Variants in EYS observed in about 807,000 individuals in gnomAD.
EYS encodes the protein EGF-like photoreceptor maintenance factor, also known as protein eyes shut homolog.
Under a neutral mutation model 282.1 loss-of-function variants are expected in EYS, and 250 were observed. The ratio of observed to expected loss-of-function variants is 0.89; its 90% CI spans 0.80 to 0.98. The LOEUF (loss-of-function observed/expected upper bound fraction) is 0.98, where lower values mean the gene tolerates loss of function less well. Among genes scored for constraint, EYS ranks in the 50% least tolerant of loss-of-function variants. The pLI, the probability that EYS is intolerant of heterozygous loss-of-function variation, is 0.00. For missense variants in EYS, 4,016 were observed against 3,709.0 expected, an observed-to-expected ratio of 1.08 and a Z score of -2.15; for synonymous variants, 1,355 against 1,282.9, an observed-to-expected ratio of 1.06 and a Z score of -1.20.
chr6:65,567,683 T>C (rs1562263406), intron 2 of EYS, among the ~76,000 whole-genome samples: 2 of 152,150 alleles, frequency 1.3e-5, no homozygotes. Flanking sequence ...TGTTAACCTC[T>C]AGTTTTCAGA....
intron 5 of EYS, among the ~76,000 whole-genome samples, chr6:65,411,398 A>G (rs1767006031): frequency 1.3e-5 from 2 of 152,112 alleles, no homozygotes; most frequent in African/African-American, 4.8e-5. Flanking sequence ...AAATAGTAAT[A>G]GATTCATAGA....
chr6:64,033,972 G>A (rs1769991458), intron 33 of EYS, among the ~76,000 whole-genome samples: 1 of 152,060 alleles, frequency 6.6e-6, no homozygotes, highest in Non-Finnish European at 1.5e-5. Flanking sequence ...CATTTTTACA[G>A]TATAGTCTAA....
intron 34 of EYS, among the ~76,000 whole-genome samples, chr6:63,985,297 C>T (rs1767303944): frequency 6.6e-6 from 1 of 151,554 alleles, no homozygotes; most frequent in Non-Finnish European, 1.5e-5. Flanking sequence ...ATATTGCCAA[C>T]ACCTTACCAA....
chr6:63,826,848 A>AAAAAAAAAAAAAAAAAAAAAAAAC (rs1771480004), intron 36 of EYS, among the ~76,000 whole-genome samples: 1 of 40,980 alleles, frequency 2.4e-5, no homozygotes, highest in African/African-American at 1.9e-4. Context: ...TAAAAAGCAA[A>AAAAAAAAAAAAAAAAAAAAAAAAC]AAAAAAAAAA....
At chr6:64,333,240 C>A (rs1051331896) in intron 29 of EYS, among the ~76,000 whole-genome samples, 3 of 152,136 alleles carry the variant, frequency 2.0e-5, no homozygotes, top group African/African-American at 7.2e-5. Flanking sequence ...CTATCATATA[C>A]AAACCCCACA....
At chr6:64,551,581 G>C (rs1209368042) in intron 26 of EYS, among the ~76,000 whole-genome samples, 1 of 145,460 alleles carries the variant, frequency 6.9e-6, no homozygotes, top group Non-Finnish European at 1.5e-5. Flanking sequence ...GTGTTGCCCA[G>C]GCTAGAGTGC....
chr6:64,159,395 C>G (rs190055473), intron 31 of EYS, among the ~76,000 whole-genome samples: 1 of 151,544 alleles, frequency 6.6e-6, no homozygotes, highest in Non-Finnish European at 1.5e-5. Context: ...CCCGTCTCTA[C>G]TAAAAATATA....
At chr6:65,531,160 G>C (rs529021069) in intron 2 of EYS, among the ~76,000 whole-genome samples, 1 of 151,948 alleles carries the variant, frequency 6.6e-6, no homozygotes, top group African/African-American at 2.4e-5. Flanking sequence ...TATGACCTCT[G>C]ATCAGGAAAT....
intron 15 of EYS, among the ~76,000 whole-genome samples, chr6:64,931,765 C>T (rs960906444): frequency 6.6e-6 from 1 of 152,106 alleles, no homozygotes; most frequent in African/African-American, 2.4e-5. Flanking sequence ...GTTGATTCTA[C>T]TTTCTAGCTA....
chr6:64,974,826 T>C (rs899384743), intron 14 of EYS, among the ~76,000 whole-genome samples: 10 of 151,898 alleles, frequency 6.6e-5, no homozygotes, highest in Non-Finnish European at 1.0e-4. Context: ...TTGAATTGAA[T>C]GACATTGATA....
At chr6:64,895,658 C>T (rs576387462) in intron 18 of EYS, among the ~76,000 whole-genome samples, 75 of 152,168 alleles carry the variant, frequency 4.9e-4, no homozygotes, top group Admixed American at 5.9e-4. Flanking sequence ...TATGTGGAAA[C>T]GTGATCTGCA....
chr6:64,774,041 G>A (rs1246100085), intron 22 of EYS, among the ~76,000 whole-genome samples: 2 of 151,772 alleles, frequency 1.3e-5, no homozygotes, highest in African/African-American at 4.8e-5. Flanking sequence ...TTTACTGTAA[G>A]ACTGGAGCAT....
intron 12 of EYS, among the ~76,000 whole-genome samples, chr6:65,211,879 C>A (rs1315401820): frequency 6.6e-6 from 1 of 151,870 alleles, no homozygotes; most frequent in African/African-American, 2.4e-5. Flanking sequence ...GAATATCACT[C>A]AGAGGAAACC....
intron 12 of EYS, among the ~76,000 whole-genome samples, chr6:65,276,452 A>G (rs896062931): frequency 6.6e-6 from 1 of 152,034 alleles, no homozygotes; most frequent in Non-Finnish European, 1.5e-5. Context: ...TAAGACTGCC[A>G]CTGGGTCACT....
intron 30 of EYS, among the ~76,000 whole-genome samples, chr6:64,253,885 G>A (rs1767306008): frequency 6.6e-6 from 1 of 152,126 alleles, no homozygotes; most frequent in South Asian, 2.1e-4. Context: ...AACATGTCCT[G>A]TGTGGTGAAG....
intron 33 of EYS, among the ~76,000 whole-genome samples, chr6:64,023,862 C>CG (rs1406862702): frequency 6.6e-6 from 1 of 152,176 alleles, no homozygotes. Context: ...CAGTGGGCCC[C>CG]GCACTCGTAG....
chr6:64,262,722 GTTTTC>G (rs1221962014), intron 30 of EYS, among the ~76,000 whole-genome samples: 1 of 151,718 alleles, frequency 6.6e-6, no homozygotes, highest in African/African-American at 2.4e-5. Context: ...TTTTAGTTTC[GTTTTC>G]TTTTATTTTG....
chr6:63,947,799 G>A (rs570137157), intron 35 of EYS, among the ~76,000 whole-genome samples: 2 of 152,260 alleles, frequency 1.3e-5, no homozygotes, highest in South Asian at 4.1e-4. Context: ...CTTATGTTGA[G>A]CTCTTCTGTT....
In EYS at chr6:64,870,431, A is replaced by AAAAG. The variant is rs200668894; in HGVS notation, c.2992+16265_2992+16266insCTTT. ...TTACCCCCCTCCTCCCCCCTCCAAA[A>AAAAG]AAAAAAAAACAAAAAGCTGGGAAGT... is the stretch of plus-strand genomic sequence containing the variant. On this transcript the variant is annotated intron_variant, in intron 19 of 42. Coordinates refer to ENST00000503581, the MANE Select transcript of EYS (RefSeq NM_001142800.2). Among the ~76,000 whole-genome samples, 69 of 145,362 alleles carry AAAAG rather than the reference A, an allele frequency of 4.7e-4. No homozygotes were observed. In the East Asian group the frequency reaches 0.015, roughly 32 times the overall value.
Sources: gnomAD v4.1 joint callset for allele counts (sites outside exome capture counted in the v4.1 genomes callset) on GRCh38, gnomAD v4.1.1 for gene constraint, MANE v1.5 for transcripts, NCBI Gene and HGNC (gene_info 2026-07-23, HGNC 2026-07-21) for gene names.